RPLP0: variants seen among roughly 807,000 people sequenced by gnomAD.
RPLP0 encodes ribosomal protein lateral stalk subunit P0, also known as large ribosomal subunit protein uL10.
For missense variants in RPLP0, 276 were observed against 402.9 expected, an observed-to-expected ratio of 0.69 and a Z score of 2.70; for synonymous variants, 137 against 153.4, an observed-to-expected ratio of 0.89 and a Z score of 0.79.
Position 120,198,547 on chromosome 12 carries a change from C to A in RPLP0, c.651+7G>T. On this transcript the variant is annotated splice_region_variant and intron_variant, in intron 6 of 7. Transcript: ENST00000392514. This position sits in a 1 kb window ranked among gnomAD's most constrained non-coding sequence, Gnocchi z 4.1. The stretch of plus-strand genomic sequence containing the variant: ...GTGTAAGAGGGGGCAAGGCTGACAG[C>A]ATATACCTCCAGGAAGCGAGAATGC... The A allele has an allele frequency of 1.2e-6, 2 of 1,614,044 alleles. No individual in the cohort carries two copies. The highest frequency in any genetic ancestry group is 1.7e-6 in the Non-Finnish European group (2 of 1,179,994).
At chr12:120,197,534 G>A (rs926717881) in intron 6 of RPLP0, 72 bp from the exon 7 acceptor site, 2 of 1,542,776 alleles carry the variant, frequency 1.3e-6, no homozygotes, top group African/African-American at 2.7e-5. Context: ...GGTGAATAAA[G>A]AGAACCCTTA....
At chr12:120,197,648 G>A in intron 6 of RPLP0, 186 bp from the exon 7 acceptor site, 1 of 665,418 alleles carries the variant, frequency 1.5e-6, no homozygotes, top group Non-Finnish European at 2.5e-6. Context: ...AATAAATTTT[G>A]CCCTTATTCC....
In RPLP0 at chr12:120,199,324, G is replaced by A. The variant is rs766183981; in HGVS notation, c.216C>T (p.Asn72=). 2 of 1,614,190 alleles carry A rather than the reference G, an allele frequency of 1.2e-6. No individual in the cohort carries two copies. Among genetic ancestry groups the A allele is most frequent in the Non-Finnish European group, 1.7e-6 (2 of 1,180,042 alleles). ...GGGGAACTGACTTCTCCAGAGCTGG[G>A]TTGTTTTCCAGGTGCCCTCGGATGG... is the stretch of plus-strand genomic sequence containing the variant. ...RKAIRGHLEN[N]PALEKLLPHI... Residue 72 remains asparagine (N), a synonymous_variant, in exon 3 of 8, where the codon AAC becomes AAT. Transcript: ENST00000392514.
At position 120,198,465 on chromosome 12, in the gene RPLP0, AAC is replaced by A. The variant is rs964665652; in HGVS notation, c.651+87_651+88del. 1.9e-5 allele frequency: 26 copies of A among 1,395,586 alleles called. No homozygotes were observed. In the African/African-American group the frequency reaches 2.4e-4, roughly 13 times the overall value. 86.5% of individuals were successfully genotyped at this position (1,395,586 alleles called of 1,614,324 possible). On this transcript the variant is annotated intron_variant, in intron 6 of 7. Transcript: ENST00000392514. The surrounding 1 kb of genome is among the most constrained non-coding windows in gnomAD (Gnocchi z 4.1). Reference sequence around the variant, plus strand: ...CAGATGAGGTAGGTAGACAGATGAAAACACAGTCCTTGGTTACAGGGACTCAG... The same window carrying A: ...CAGATGAGGTAGGTAGACAGATGAAAACAGTCCTTGGTTACAGGGACTCAG...
intron 4 of RPLP0, 27 bp downstream of exon 4, chr12:120,199,091 C>CT: frequency 2.5e-6 from 4 of 1,611,724 alleles, no homozygotes; most frequent in Non-Finnish European, 3.4e-6. Context: ...AACAAAGTCT[C>CT]TTTAGCCAAC....
chr12:120,199,697 A>G (rs1315994183), intron 2 of RPLP0: 1 of 555,344 alleles, frequency 1.8e-6, no homozygotes, highest in Middle Eastern at 3.6e-4. Context: ...TCTACATTCA[A>G]TCAAGGAGTT....
rs1879269324 is a variant in RPLP0, at chr12:120,198,408, T to TTCAACAA, written c.651+139_651+145dup. On this transcript the variant is annotated intron_variant, in intron 6 of 7. Transcript: ENST00000392514. This position sits in a 1 kb window ranked among gnomAD's most constrained non-coding sequence, Gnocchi z 4.1. ...CTCCAAAAAAAAAAAAAAAAAATCC[T>TTCAACAA]TCAACAATCTTATGTTGTTACTGAC... The TTCAACAA allele has an allele frequency of 1.2e-6, 1 of 827,396 alleles. No individual in the cohort carries two copies. The highest frequency in any genetic ancestry group is 2.8e-5 in the Admixed American group (1 of 35,588). 51.3% of individuals were successfully genotyped at this position (827,396 alleles called of 1,614,324 possible).
intron 1 of RPLP0, 92 bp from the exon 2 acceptor site, chr12:120,200,923 C>T: frequency 7.1e-7 from 1 of 1,408,926 alleles, no homozygotes; most frequent in Non-Finnish European, 9.3e-7. Flanking sequence ...CAATCGCCCG[C>T]CGGCCCTGCC....
chr12:120,200,964 A>C, intron 1 of RPLP0, 119 bp downstream of exon 1: 1 of 1,117,090 alleles, frequency 9.0e-7, no homozygotes, highest in Non-Finnish European at 1.2e-6. Flanking sequence ...CGGGGCGTGC[A>C]AGCCGCCACC....
At position 120,196,815 on chromosome 12, in the gene RPLP0, C is replaced by T. The variant is rs374455902; in HGVS notation, c.912G>A (p.Ser304=). The T allele has an allele frequency of 6.4e-5, 103 of 1,599,494 alleles. No individual in the cohort carries two copies. In the Middle Eastern group the frequency reaches 6.6e-4, roughly 10 times the overall value. The change falls in exon 8 of 8, where the codon TCG becomes TCA. Residue 304 remains serine (S), a synonymous_variant. Coordinates refer to ENST00000392514, the MANE Select transcript of RPLP0 (RefSeq NM_001002.4). ...ATCCCATATCCTCGTCCGACTCCTC[C>T]GACTCTTCCTTGGCTTCAACCTTAG... The part of the protein sequence containing the change: ...APAKVEAKEE[S]EESDEDMGFG...
intron 7 of RPLP0, 82 bp from the exon 8 acceptor site, chr12:120,197,016 G>A (rs1020550613): frequency 4.5e-5 from 71 of 1,589,166 alleles, no homozygotes; most frequent in Non-Finnish European, 5.6e-5. Flanking sequence ...TAGAGTTTAA[G>A]GACCAACAAT....
intron 4 of RPLP0, 44 bp downstream of exon 4, chr12:120,199,074 G>A (rs1000661459): frequency 1.3e-5 from 21 of 1,610,870 alleles, no homozygotes; most frequent in Non-Finnish European, 1.7e-5. Flanking sequence ...TTGCTTTAAG[G>A]AGCAACAACA....
intron 4 of RPLP0, 58 bp downstream of exon 4, chr12:120,199,060 C>A: frequency 5.0e-6 from 8 of 1,611,722 alleles, no homozygotes; most frequent in Non-Finnish European, 6.8e-6. Flanking sequence ...GAGAATGGTC[C>A]ATTTTGCTTT....
At chr12:120,199,869 CATT>C (rs1879346079) in intron 2 of RPLP0, 5 of 368,448 alleles carry the variant, frequency 1.4e-5, no homozygotes. Flanking sequence ...AATATAGCAA[CATT>C]ATTATTTGTA....
chr12:120,197,371 A>G lies in RPLP0; in HGVS notation c.743T>C (p.Val248Ala). Residue 248 changes from valine (V) to alanine (A), a missense_variant, in exon 7 of 8, where the codon GTC becomes GCC. Transcript: ENST00000392514. ...PHSIINGYKR[V>A]LALSVETDYT... Reference sequence around the variant, plus strand: ...ATCCGTCTCCACAGACAAGGCCAGGACTCGTTTGTACCCGTTGATGATAGA... The same window carrying G: ...ATCCGTCTCCACAGACAAGGCCAGGGCTCGTTTGTACCCGTTGATGATAGA... The G allele has an allele frequency of 6.2e-7, 1 of 1,613,694 alleles. No homozygotes were observed.
intron 1 of RPLP0, 39 bp downstream of exon 1, chr12:120,201,044 G>A (rs1594301223): frequency 4.3e-6 from 2 of 462,752 alleles, no homozygotes; most frequent in South Asian, 4.1e-5. Context: ...CATGCTTCCC[G>A]CCGGCGACCC....
At position 120,200,834 on chromosome 12, in the gene RPLP0, G is replaced by A. The variant is rs756321565; in HGVS notation, c.-48-3C>T. 7 of 1,595,730 alleles carry A rather than the reference G, an allele frequency of 4.4e-6. No individual in the cohort carries two copies. Among genetic ancestry groups the A allele is most frequent in the Admixed American group, 1.7e-5 (1 of 57,810 alleles). On this transcript the variant is annotated splice_polypyrimidine_tract_variant and splice_region_variant and intron_variant, in intron 1 of 7. Coordinates refer to ENST00000392514, the MANE Select transcript of RPLP0 (RefSeq NM_001002.4). ...CGCAGGGTTTAAAGACGATGTCACT[G>A]AGGAGAGACAGGGAGCTCAGGCCTG...
Position 120,197,377 on chromosome 12 carries a change from T to C in RPLP0, c.737A>G (p.Lys246Arg), listed in dbSNP as rs1009642064. ...CTCCACAGACAAGGCCAGGACTCGTTTGTACCCGTTGATGATAGAATGGGG... is the reference window on the plus strand; with the variant it reads ...CTCCACAGACAAGGCCAGGACTCGTCTGTACCCGTTGATGATAGAATGGGG... ...SVPHSIINGY[K>R]RVLALSVETD... Residue 246 changes from lysine (K) to arginine (R), a missense_variant, in exon 7 of 8, where the codon AAA becomes AGA. Physicochemically the swap from Lys to Arg is conservative, Grantham distance 26. Coordinates refer to ENST00000392514, the MANE Select transcript of RPLP0 (RefSeq NM_001002.4). 1 of 1,613,850 alleles carries C rather than the reference T, an allele frequency of 6.2e-7. No homozygotes were observed. The highest frequency in any genetic ancestry group is 8.5e-7 in the Non-Finnish European group (1 of 1,179,750).
In RPLP0 at chr12:120,198,199, C is replaced by T. The variant is rs1002448411; in HGVS notation, c.651+355G>A. 6.6e-6 allele frequency among the ~76,000 whole-genome samples: 1 copy of T among 152,130 alleles called. No individual in the cohort carries two copies. On this transcript the variant is annotated intron_variant, in intron 6 of 7. Coordinates refer to ENST00000392514, the MANE Select transcript of RPLP0 (RefSeq NM_001002.4). This position sits in a 1 kb window ranked among gnomAD's most constrained non-coding sequence, Gnocchi z 4.1. ...CACGAGGTCAGGAGATCGACACCAT[C>T]CTGGCTAACGCGGTGAAACCTAAAA...
Sources: allele counts gnomAD v4.1 joint callset (sites outside exome capture counted in the v4.1 genomes callset), GRCh38; gene constraint gnomAD v4.1.1; non-coding constraint Gnocchi (gnomAD v3.1); transcripts MANE v1.5; gene names NCBI Gene and HGNC (gene_info 2026-07-23, HGNC 2026-07-21).